The following ZFHX3 variants were observed in gnomAD, a reference collection of about 807,000 sequenced individuals.
ZFHX3 encodes the protein zinc finger homeobox protein 3.
In ZFHX3, 42 loss-of-function variants were observed where a neutral mutation model predicts 279.1. The ratio of observed to expected loss-of-function variants is 0.15; its 90% CI spans 0.12 to 0.19. The LOEUF (loss-of-function observed/expected upper bound fraction) is 0.19, where lower values mean the gene tolerates loss of function less well. Ranked by LOEUF, ZFHX3 falls within the 10% of genes least tolerant of loss-of-function variation. The pLI is 1.00. For missense variants in ZFHX3, 4,981 were observed against 4,754.0 expected (o/e 1.05, Z -1.40); for synonymous variants, 2,293 against 1,957.8 (o/e 1.17, Z -4.52).
chr16:73,246,658 CCTT>C (rs2013289482), intron 5 of ZFHX3, among the ~76,000 whole-genome samples: 1 of 152,200 alleles, frequency 6.6e-6, no homozygotes, highest in Admixed American at 6.5e-5. Flanking sequence ...AACACAATGT[CCTT>C]CTAAATGCTC....
intron 3 of ZFHX3, among the ~76,000 whole-genome samples, chr16:72,906,169 C>T (rs1567575952): frequency 6.6e-6 from 1 of 151,882 alleles, no homozygotes; most frequent in Non-Finnish European, 1.5e-5. Flanking sequence ...GGTTGGTCAG[C>T]TCTCCAGCTC....
At chr16:73,254,100 G>A (rs1022873920) in intron 5 of ZFHX3, among the ~76,000 whole-genome samples, 2 of 152,046 alleles carry the variant, frequency 1.3e-5, no homozygotes, top group Non-Finnish European at 2.9e-5. Context: ...TGAGAACAGT[G>A]GGGGTACCAG....
chr16:73,579,382 A>G (rs1042580503), intron 2 of ZFHX3, among the ~76,000 whole-genome samples: 9 of 152,176 alleles, frequency 5.9e-5, no homozygotes, highest in African/African-American at 2.2e-4. Flanking sequence ...TGCATCCTTA[A>G]CCTTGGCAAA....
At chr16:73,025,779 G>A (rs1249458406) in intron 1 of ZFHX3, among the ~76,000 whole-genome samples, 2 of 152,076 alleles carry the variant, frequency 1.3e-5, no homozygotes, top group Admixed American at 1.3e-4. Context: ...ATAAATCACT[G>A]GTGGGAAGGA....
chr16:73,825,268 ATTTG>A (rs748891431), intron 1 of ZFHX3, among the ~76,000 whole-genome samples: 7 of 25,020 alleles, frequency 2.8e-4, no homozygotes, highest in African/African-American at 4.5e-4. Context: ...TTTCTTGTAA[ATTTG>A]TTTGAGTTCA....
chr16:73,125,790 A>G (rs114123230), intron 7 of ZFHX3, among the ~76,000 whole-genome samples: 3,522 of 149,582 alleles, frequency 0.024, 78 homozygotes, highest in African/African-American at 0.056. Flanking sequence ...ATATATATAT[A>G]TGTGTGTATA....
At chr16:72,805,563 C>T (rs939217475) in intron 7 of ZFHX3, among the ~76,000 whole-genome samples, 9 of 152,216 alleles carry the variant, frequency 5.9e-5, no homozygotes, top group African/African-American at 2.2e-4. Context: ...GTGGATGAGA[C>T]TGGTTCTGCC....
At chr16:72,878,284 G>C (rs1370286076) in intron 4 of ZFHX3, among the ~76,000 whole-genome samples, 6 of 152,172 alleles carry the variant, frequency 3.9e-5, no homozygotes, top group Admixed American at 3.3e-4. Flanking sequence ...AAAAACATGT[G>C]GGCTGGGTTC....
At chr16:73,733,908 C>T (rs903287346) in intron 1 of ZFHX3, among the ~76,000 whole-genome samples, 2 of 152,094 alleles carry the variant, frequency 1.3e-5, no homozygotes, top group Non-Finnish European at 2.9e-5. Context: ...TTTTGAAATT[C>T]TTTAACTATG....
intron 1 of ZFHX3, among the ~76,000 whole-genome samples, chr16:73,757,379 A>C (rs538917055): frequency 6.6e-6 from 1 of 152,360 alleles, no homozygotes; most frequent in Admixed American, 6.5e-5. Context: ...AAGAAGGCCA[A>C]GCCAGAAGTC....
chr16:73,112,322 G>C (rs1461874640), intron 7 of ZFHX3, among the ~76,000 whole-genome samples: 1 of 152,088 alleles, frequency 6.6e-6, no homozygotes, highest in Non-Finnish European at 1.5e-5. Flanking sequence ...ACGGAAGGAA[G>C]GGAAGAAGGG....
At chr16:73,889,730 G>A (rs577039994) in intron 1 of ZFHX3, among the ~76,000 whole-genome samples, 3 of 152,240 alleles carry the variant, frequency 2.0e-5, no homozygotes, top group Middle Eastern at 6.8e-3. Flanking sequence ...TATTCTCTGT[G>A]CCCTCACCCT....
At chr16:72,948,597 T>G (rs1960823028) in intron 3 of ZFHX3, among the ~76,000 whole-genome samples, 4 of 152,110 alleles carry the variant, frequency 2.6e-5, no homozygotes, top group African/African-American at 9.7e-5. Context: ...AGACTCTTAT[T>G]CAAGACTCCA....
chr16:73,012,024 T>C (rs1251007914), intron 1 of ZFHX3, among the ~76,000 whole-genome samples: 1 of 152,028 alleles, frequency 6.6e-6, no homozygotes, highest in African/African-American at 2.4e-5. Flanking sequence ...TGCTATTAGC[T>C]CATCAAGCAC....
intron 3 of ZFHX3, among the ~76,000 whole-genome samples, chr16:72,928,211 C>G (rs1364869809): frequency 6.0e-5 from 1 of 16,714 alleles, no homozygotes; most frequent in Admixed American, 8.1e-4. Flanking sequence ...CGAGGGGGAG[C>G]GAAGGGGAGC....
chr16:72,878,777 C>G (rs984704424), intron 4 of ZFHX3, among the ~76,000 whole-genome samples: 2 of 152,192 alleles, frequency 1.3e-5, no homozygotes, highest in African/African-American at 4.8e-5. Flanking sequence ...CCCTGGGCCT[C>G]TGTACCAAGT....
intron 4 of ZFHX3, among the ~76,000 whole-genome samples, chr16:72,832,623 G>A (rs1033779122): frequency 2.0e-5 from 3 of 152,152 alleles, no homozygotes; most frequent in Non-Finnish European, 2.9e-5. Context: ...TCCTGGATAA[G>A]CCAGCTCCCT....
intron 3 of ZFHX3, among the ~76,000 whole-genome samples, chr16:72,925,746 AC>A (rs1173170898): frequency 2.0e-5 from 3 of 152,190 alleles, no homozygotes; most frequent in African/African-American, 7.2e-5. Context: ...ACCAAGTGTC[AC>A]CTTCGGGCCT....
chr16:73,699,937 T>G (rs1437972496), intron 1 of ZFHX3, among the ~76,000 whole-genome samples: 4 of 152,124 alleles, frequency 2.6e-5, no homozygotes, highest in Non-Finnish European at 5.9e-5. Context: ...TTAAAAAGCA[T>G]TCCTGGCTGG....
Sources: gnomAD v4.1 joint callset for allele counts (sites outside exome capture counted in the v4.1 genomes callset) on GRCh38, gnomAD v4.1.1 for gene constraint, MANE v1.5 for transcripts, NCBI Gene and HGNC (gene_info 2026-07-23, HGNC 2026-07-21) for gene names.